The following RSPO3 variants were observed in gnomAD, a reference collection of about 807,000 sequenced individuals.
The protein encoded by RSPO3 is R-spondin-3.
In RSPO3, 17 loss-of-function variants were observed where a neutral mutation model predicts 36.5. The observed-to-expected ratio is 0.47, with a 90% CI of 0.32 to 0.70. The LOEUF (loss-of-function observed/expected upper bound fraction) is 0.70. Ranked by LOEUF, RSPO3 falls within the 30% of genes least tolerant of loss-of-function variation. The pLI, the probability that RSPO3 is intolerant of heterozygous loss-of-function variation, is 0.04. For synonymous variants in RSPO3, 108 were observed against 107.0 expected (o/e 1.01, Z -0.06); for missense variants, 294 against 322.5 (o/e 0.91, Z 0.68).
intron 1 of RSPO3, chr6:127,119,870 G>A (rs537133872): frequency 6.6e-6 from 1 of 152,432 alleles, no homozygotes; most frequent in East Asian, 1.9e-4. Flanking sequence ...AAGGGCGCGC[G>A]AGGCGATGGG....
intron 1 of RSPO3, among the ~76,000 whole-genome samples, chr6:127,129,653 T>G (rs1774011496): frequency 6.6e-6 from 1 of 152,068 alleles, no homozygotes; most frequent in Non-Finnish European, 1.5e-5. Flanking sequence ...CACTAATTTT[T>G]TTCCCAATAG....
chr6:127,157,430 C>T (rs191214732), intron 4 of RSPO3, among the ~76,000 whole-genome samples: 383 of 117,244 alleles, frequency 3.3e-3, no homozygotes, highest in Non-Finnish European at 5.7e-3. Flanking sequence ...ATTTTGGTAG[C>T]ACTTGACTTA....
At chr6:127,130,914 T>C (rs909688985) in intron 1 of RSPO3, among the ~76,000 whole-genome samples, 1 of 152,122 alleles carries the variant, frequency 6.6e-6, no homozygotes, top group East Asian at 1.9e-4. Context: ...ATGGTATCCT[T>C]AGCCCCTCTG....
At chr6:127,147,631 C>A (rs532178625) in intron 1 of RSPO3, among the ~76,000 whole-genome samples, 2 of 152,158 alleles carry the variant, frequency 1.3e-5, no homozygotes, top group East Asian at 3.9e-4. Flanking sequence ...ATTTAATAGT[C>A]AAAAGAAGAT....
intron 4 of RSPO3, among the ~76,000 whole-genome samples, chr6:127,178,259 T>C (rs893001578): frequency 2.0e-5 from 3 of 151,810 alleles, no homozygotes; most frequent in Admixed American, 6.6e-5. Context: ...TTCTCTAAGT[T>C]CTACACATAA....
intron 1 of RSPO3, among the ~76,000 whole-genome samples, chr6:127,139,468 G>A (rs1031392346): frequency 2.0e-5 from 3 of 151,624 alleles, no homozygotes; most frequent in Non-Finnish European, 2.9e-5. Flanking sequence ...GCACTCATGC[G>A]GATTCATTAC....
chr6:127,197,337 T>C lies in RSPO3; in HGVS notation c.*1330T>C. ...CTGCTCCCCCTTCATTGCTTAGAAA[T>C]GGGCATCATTTCTTGTATGTCAGAT... On this transcript the variant is annotated 3_prime_UTR_variant, in exon 5 of 5. Coordinates refer to ENST00000356698, the MANE Select transcript of RSPO3 (RefSeq NM_032784.5). 9 of 1,496,748 alleles carry C rather than the reference T, an allele frequency of 6.0e-6. No individual in the cohort carries two copies. The highest frequency in any genetic ancestry group is 1.7e-4 in the Middle Eastern group (1 of 5,806). The allele number at this position is 1,496,748 out of a possible 1,614,324, so 92.7% of individuals were successfully genotyped here. A position where few individuals can be genotyped will look rare whatever the true frequency, so the allele number is the denominator to read the frequency against.
In RSPO3 at chr6:127,153,238, C is replaced by T. The variant is rs558670889; in HGVS notation, c.437-2003C>T. Among the ~76,000 whole-genome samples, 5 of 152,166 alleles carry T rather than the reference C, an allele frequency of 3.3e-5. 1 individual carries two copies. The highest frequency in any genetic ancestry group is 1.2e-4 in the African/African-American group (5 of 41,546). On this transcript the variant is annotated intron_variant, in intron 3 of 4. Transcript: ENST00000356698. The stretch of plus-strand genomic sequence containing the variant: ...CACAGAAGGTGAATATTCTGTTTTT[C>T]CTTAACTATCTCTTAACCAAGGAGT...
Position 127,196,660 on chromosome 6 carries a change from G to A in RSPO3, c.*653G>A, listed in dbSNP as rs1775522138. On this transcript the variant is annotated 3_prime_UTR_variant, in exon 5 of 5. Transcript: ENST00000356698. ...AAATGTGGAAGAAATCATAGAGCTG[G>A]AGACTACTTTTGTGCTTTACAAAAC... 6.6e-6 allele frequency: 1 copy of A among 152,232 alleles called. No homozygotes were observed. The highest frequency in any genetic ancestry group is 1.5e-5 in the Non-Finnish European group (1 of 68,064). 9.4% of individuals were successfully genotyped at this position (152,232 alleles called of 1,614,324 possible).
intron 4 of RSPO3, among the ~76,000 whole-genome samples, chr6:127,172,040 T>A (rs1774947477): frequency 6.6e-6 from 1 of 151,278 alleles, no homozygotes; most frequent in South Asian, 2.1e-4. Context: ...CAACATGTGA[T>A]CTAGTATCTT....
intron 4 of RSPO3, 75 bp from the exon 5 acceptor site, chr6:127,195,748 G>A (rs990767431): frequency 4.9e-6 from 5 of 1,018,970 alleles, no homozygotes; most frequent in South Asian, 1.8e-5. Context: ...AGAAATTTAA[G>A]TCATTTTTTA....
chr6:127,199,118 T>A lies in RSPO3; in HGVS notation c.*3111T>A, dbSNP rs1413519037. ...GCACTGGTGCTAGCGTTAGACAGCT[T>A]GTGTTAATGTCTCAATTCTGCTACT... is the stretch of plus-strand genomic sequence containing the variant. On this transcript the variant is annotated 3_prime_UTR_variant, in exon 5 of 5. Transcript: ENST00000356698. Among the ~76,000 whole-genome samples, 3 of 152,322 alleles carry A rather than the reference T, an allele frequency of 2.0e-5. No individual in the cohort carries two copies. The highest frequency in any genetic ancestry group is 4.1e-4 in the South Asian group (2 of 4,820).
chr6:127,143,997 G>A (rs1343654237), intron 1 of RSPO3, among the ~76,000 whole-genome samples: 1 of 152,156 alleles, frequency 6.6e-6, no homozygotes, highest in Non-Finnish European at 1.5e-5. Flanking sequence ...CATCAGTTAT[G>A]TATCACAAGT....
chr6:127,187,562 A>G (rs1464466831), intron 4 of RSPO3, among the ~76,000 whole-genome samples: 1 of 152,192 alleles, frequency 6.6e-6, no homozygotes, highest in Admixed American at 6.5e-5. Context: ...ACAATTATTT[A>G]AAACCCAAGA....
intron 4 of RSPO3, among the ~76,000 whole-genome samples, chr6:127,161,588 A>G (rs1774712343): frequency 1.3e-5 from 2 of 152,142 alleles, no homozygotes; most frequent in Admixed American, 1.3e-4. Context: ...TGTTATTATC[A>G]TCCATGCAAT....
At position 127,196,803 on chromosome 6, in the gene RSPO3, T is replaced by C. The variant is rs996261674; in HGVS notation, c.*796T>C. The C allele has an allele frequency of 6.5e-6, 1 of 152,770 alleles. No homozygotes were observed. Among genetic ancestry groups the C allele is most frequent in the Admixed American group, 6.5e-5 (1 of 15,286 alleles). The allele number at this position is 152,770 out of a possible 1,614,324, so 9.5% of individuals were successfully genotyped here. A position where few individuals can be genotyped will look rare whatever the true frequency, so the allele number is the denominator to read the frequency against. On this transcript the variant is annotated 3_prime_UTR_variant, in exon 5 of 5. Coordinates refer to ENST00000356698, the MANE Select transcript of RSPO3 (RefSeq NM_032784.5). ...TGTAAACATGTGCCTGTAACTTACT[T>C]CCAAAAACAAAATCATACTTATTAG... is the stretch of plus-strand genomic sequence containing the variant.
chr6:127,179,233 A>AT, intron 4 of RSPO3, among the ~76,000 whole-genome samples: 1 of 151,968 alleles, frequency 6.6e-6, no homozygotes, highest in African/African-American at 2.4e-5. Flanking sequence ...GGAAAAGGAA[A>AT]TTTTTGCTTC....
chr6:127,185,937 A>G (rs1261558259), intron 4 of RSPO3, among the ~76,000 whole-genome samples: 3 of 152,166 alleles, frequency 2.0e-5, no homozygotes, highest in African/African-American at 7.2e-5. Flanking sequence ...AAATGTGGCT[A>G]TCAACACTTC....
chr6:127,128,944 G>A (rs563112823), intron 1 of RSPO3, among the ~76,000 whole-genome samples: 16 of 152,098 alleles, frequency 1.1e-4, no homozygotes, highest in African/African-American at 3.9e-4. Context: ...TTTAGAAGAT[G>A]GGTATCAGCC....
Sources: gnomAD v4.1 joint callset for allele counts (sites outside exome capture counted in the v4.1 genomes callset) on GRCh38, gnomAD v4.1.1 for gene constraint, MANE v1.5 for transcripts, NCBI Gene and HGNC (gene_info 2026-07-23, HGNC 2026-07-21) for gene names.